The following C7orf78 variants were observed in gnomAD, a reference collection of about 807,000 sequenced individuals.
C7orf78 encodes the protein putative uncharacterized protein C7orf78.
the C7orf78 span, among the ~76,000 whole-genome samples, chr7:12,487,893 C>A: frequency 6.6e-6 from 1 of 152,058 alleles, no homozygotes; most frequent in South Asian, 2.1e-4. Flanking sequence ...ACAAGCAGCT[C>A]TCTAGCATGG....
At chr7:12,503,989 T>G in the C7orf78 span, among the ~76,000 whole-genome samples, 2 of 152,148 alleles carry the variant, frequency 1.3e-5, no homozygotes, top group African/African-American at 4.8e-5. Flanking sequence ...GATCTGTAGG[T>G]TGAGCCGTAG....
the C7orf78 span, among the ~76,000 whole-genome samples, chr7:12,502,619 T>A: frequency 6.6e-6 from 1 of 151,974 alleles, no homozygotes; most frequent in Non-Finnish European, 1.5e-5. Context: ...ATAGGAACAC[T>A]TTTACATTGT....
At chr7:12,516,435 G>A in the C7orf78 span, among the ~76,000 whole-genome samples, 1 of 152,258 alleles carries the variant, frequency 6.6e-6, no homozygotes, top group South Asian at 2.1e-4. Flanking sequence ...GAGAACCTCT[G>A]CTAGGACAGT....
At chr7:12,536,593 G>A in the C7orf78 span, among the ~76,000 whole-genome samples, 1 of 152,266 alleles carries the variant, frequency 6.6e-6, no homozygotes, top group South Asian at 2.1e-4. Context: ...TCTGCAGCCA[G>A]GTTGAATTTC....
the C7orf78 span, chr7:12,496,637 T>C: frequency 1.3e-5 from 2 of 152,316 alleles, no homozygotes; most frequent in East Asian, 1.9e-4. Context: ...TGTATTCTTA[T>C]AGGTTTGTAT....
the C7orf78 span, among the ~76,000 whole-genome samples, chr7:12,531,598 T>G: frequency 6.6e-6 from 1 of 152,174 alleles, no homozygotes; most frequent in African/African-American, 2.4e-5. Context: ...ATTACTATTA[T>G]TGTTAATGAT....
chr7:12,499,798 C>T, the C7orf78 span, among the ~76,000 whole-genome samples: 2 of 150,378 alleles, frequency 1.3e-5, no homozygotes, highest in Non-Finnish European at 3.0e-5. Flanking sequence ...CACCACACCA[C>T]ACCTATTCCA....
At chr7:12,518,244 A>G in the C7orf78 span, among the ~76,000 whole-genome samples, 2 of 152,184 alleles carry the variant, frequency 1.3e-5, no homozygotes, top group Admixed American at 1.3e-4. Flanking sequence ...CTTCAGGCCC[A>G]AGTGGTTGCA....
the C7orf78 span, among the ~76,000 whole-genome samples, chr7:12,510,441 G>A: frequency 1.3e-5 from 2 of 152,098 alleles, no homozygotes; most frequent in Non-Finnish European, 2.9e-5. Flanking sequence ...TCCACAGTGG[G>A]ATTTCTGGAT....
chr7:12,506,946 A>C, the C7orf78 span: 1 of 481,256 alleles, frequency 2.1e-6, no homozygotes, highest in South Asian at 1.5e-5. Context: ...GTGCTGAATA[A>C]ATCTCTTGCT....
the C7orf78 span, chr7:12,491,029 A>G: frequency 1.3e-5 from 2 of 152,108 alleles, no homozygotes; most frequent in Non-Finnish European, 2.9e-5. Context: ...CATTTGCAAG[A>G]TCATCTGGAG....
At chr7:12,538,974 G>C in the C7orf78 span, among the ~76,000 whole-genome samples, 1 of 152,142 alleles carries the variant, frequency 6.6e-6, no homozygotes, top group Non-Finnish European at 1.5e-5. Context: ...CAGTTCTGTA[G>C]CTCAGCAAGC....
the C7orf78 span, among the ~76,000 whole-genome samples, chr7:12,496,018 C>A: frequency 6.6e-6 from 1 of 152,082 alleles, no homozygotes; most frequent in African/African-American, 2.4e-5. Context: ...CTCTGCCTCC[C>A]GGGTTCACGC....
chr7:12,504,124 CAT>C, the C7orf78 span, among the ~76,000 whole-genome samples: 1 of 152,134 alleles, frequency 6.6e-6, no homozygotes, highest in Non-Finnish European at 1.5e-5. Context: ...ATGTCAAACT[CAT>C]ATCACTTTAT....
the C7orf78 span, among the ~76,000 whole-genome samples, chr7:12,517,328 A>C: frequency 4.6e-5 from 7 of 152,160 alleles, no homozygotes; most frequent in Non-Finnish European, 1.0e-4. Flanking sequence ...CTCCCCAGCC[A>C]TGAGGAACTG....
At chr7:12,494,964 C>T in the C7orf78 span, among the ~76,000 whole-genome samples, 96,729 of 151,992 alleles carry the variant, frequency 0.64, 31,196 homozygotes, top group Admixed American at 0.72. Context: ...GCACAGTTGA[C>T]ATCCAAACTC....
At chr7:12,494,039 T>A in the C7orf78 span, among the ~76,000 whole-genome samples, 2 of 152,124 alleles carry the variant, frequency 1.3e-5, no homozygotes, top group African/African-American at 4.8e-5. Flanking sequence ...TAAAAGAGAA[T>A]AAATGAGCAT....
the C7orf78 span, among the ~76,000 whole-genome samples, chr7:12,498,121 A>G: frequency 1.3e-5 from 2 of 151,936 alleles, no homozygotes; most frequent in Non-Finnish European, 2.9e-5. Context: ...AGATAAAACC[A>G]CAAAGATGGG....
the C7orf78 span, among the ~76,000 whole-genome samples, chr7:12,526,825 T>C: frequency 9.9e-5 from 15 of 152,118 alleles, no homozygotes; most frequent in African/African-American, 3.1e-4. Flanking sequence ...TCGTAGAAAA[T>C]GCCATCTAGC....
Sources: allele counts gnomAD v4.1 joint callset (sites outside exome capture counted in the v4.1 genomes callset), GRCh38; gene constraint gnomAD v4.1.1; transcripts MANE v1.5; gene names NCBI Gene and HGNC (gene_info 2026-07-23, HGNC 2026-07-21).